The following GABRG3 variants were observed in gnomAD, a reference collection of about 807,000 sequenced individuals.
The protein encoded by GABRG3 is gamma-aminobutyric acid receptor subunit gamma-3.
A neutral mutation model predicts 48.8 loss-of-function variants in GABRG3; 25 were observed. The ratio of observed to expected loss-of-function variants is 0.51; its 90% CI spans 0.37 to 0.72. The LOEUF (loss-of-function observed/expected upper bound fraction) is 0.72. Among genes scored for constraint, GABRG3 ranks in the 30% least tolerant of loss-of-function variants. The pLI, the probability that GABRG3 is intolerant of heterozygous loss-of-function variation, is 0.00. For synonymous variants in GABRG3, 227 were observed against 217.6 expected (o/e 1.04, Z -0.38); for missense variants, 394 against 577.9 (o/e 0.68, Z 3.26).
intron 3 of GABRG3, among the ~76,000 whole-genome samples, chr15:27,307,510 CATAGGTT>C (rs1892655277): frequency 4.3e-5 from 1 of 23,338 alleles, no homozygotes; most frequent in Admixed American, 4.0e-4. Context: ...TATATATAAA[CATAGGTT>C]TATAGGTTTA....
intron 6 of GABRG3, among the ~76,000 whole-genome samples, chr15:27,484,768 GC>G (rs1566862153): frequency 1.3e-5 from 2 of 152,068 alleles, no homozygotes; most frequent in African/African-American, 4.8e-5. Flanking sequence ...AAATCATGGG[GC>G]TATATCAACA....
At chr15:27,393,557 G>A (rs949757427) in intron 5 of GABRG3, among the ~76,000 whole-genome samples, 5 of 151,928 alleles carry the variant, frequency 3.3e-5, no homozygotes, top group African/African-American at 1.2e-4. Flanking sequence ...TATTTAATCA[G>A]TTACATCATG....
chr15:27,084,350 A>G (rs1471777846), intron 3 of GABRG3, among the ~76,000 whole-genome samples: 2 of 152,196 alleles, frequency 1.3e-5, no homozygotes, highest in Non-Finnish European at 2.9e-5. Context: ...TAGAAAGACA[A>G]AATTCTTAGT....
rs150917739 is a variant in GABRG3 at position 27,224,703 on chromosome 15, G to A, written c.271-102106G>A. Among the ~76,000 whole-genome samples, 1,253 of 152,284 alleles carry A rather than the reference G, an allele frequency of 8.2e-3. 21 individuals are homozygous for A. The highest frequency in any genetic ancestry group is 0.028 in the African/African-American group (1,176 of 41,550). ...ATTTGATCTCTCAGGTATTTAAGAT[G>A]GAAAGGTTAAGAAGTAACAGATTTG... On this transcript the variant is annotated intron_variant, in intron 3 of 9. Transcript: ENST00000615808.
intron 5 of GABRG3, chr15:27,428,286 A>AT (rs1309269588): frequency 6.6e-6 from 1 of 152,212 alleles, no homozygotes; most frequent in African/African-American, 2.4e-5. Context: ...AGGGAATGTG[A>AT]TTATAACATG....
chr15:27,234,605 C>T (rs1889899197), intron 3 of GABRG3, among the ~76,000 whole-genome samples: 1 of 152,132 alleles, frequency 6.6e-6, no homozygotes, highest in Admixed American at 6.5e-5. Context: ...CCGCGGTGCT[C>T]TGAGCCACCT....
chr15:27,154,758 C>T (rs866439692), intron 3 of GABRG3, among the ~76,000 whole-genome samples: 3 of 152,030 alleles, frequency 2.0e-5, no homozygotes, highest in African/African-American at 7.3e-5. Context: ...AAGGTTTATG[C>T]ACATATATTC....
chr15:27,159,511 C>T (rs148356418), intron 3 of GABRG3, among the ~76,000 whole-genome samples: 102 of 152,120 alleles, frequency 6.7e-4, no homozygotes, highest in African/African-American at 2.4e-3. Flanking sequence ...TCCCTCCATC[C>T]TGCCTGAACC....
intron 3 of GABRG3, among the ~76,000 whole-genome samples, chr15:27,317,795 A>T (rs1893282330): frequency 6.6e-6 from 1 of 152,154 alleles, no homozygotes; most frequent in Admixed American, 6.5e-5. Flanking sequence ...TTTTTTCAAG[A>T]CATCCCAAAT....
chr15:27,230,158 G>A (rs919472875), intron 3 of GABRG3, among the ~76,000 whole-genome samples: 25 of 151,966 alleles, frequency 1.6e-4, no homozygotes, highest in African/African-American at 6.0e-4. Flanking sequence ...TGTGTGTGTG[G>A]CAATTGTAAA....
chr15:27,308,454 AACAT>A (rs147625170), intron 3 of GABRG3, among the ~76,000 whole-genome samples: 10,638 of 145,824 alleles, frequency 0.073, 1,361 homozygotes, highest in African/African-American at 0.25. Context: ...AACATATGCA[AACAT>A]ACATGTTTAT....
At chr15:27,226,935 T>A (rs1889639121) in intron 3 of GABRG3, among the ~76,000 whole-genome samples, 1 of 152,104 alleles carries the variant, frequency 6.6e-6, no homozygotes, top group Admixed American at 6.5e-5. Flanking sequence ...GGCCTCTGCC[T>A]CCTAAAGCAG....
intron 3 of GABRG3, among the ~76,000 whole-genome samples, chr15:27,160,455 G>T (rs1400378952): frequency 2.6e-5 from 4 of 152,122 alleles, no homozygotes; most frequent in Non-Finnish European, 5.9e-5. Context: ...TGATTATTGA[G>T]ATTGTTTGGT....
At chr15:27,045,048 A>G (rs949000348) in intron 3 of GABRG3, among the ~76,000 whole-genome samples, 3 of 152,236 alleles carry the variant, frequency 2.0e-5, no homozygotes, top group African/African-American at 7.2e-5. Context: ...TACCCATAAA[A>G]TAAAGCCTAG....
At chr15:27,395,417 G>C (rs1322918669) in intron 5 of GABRG3, among the ~76,000 whole-genome samples, 1 of 152,180 alleles carries the variant, frequency 6.6e-6, no homozygotes, top group Non-Finnish European at 1.5e-5. Context: ...AAGGCAGAGA[G>C]ACTATAATAT....
intron 3 of GABRG3, among the ~76,000 whole-genome samples, chr15:27,072,732 C>A (rs960471458): frequency 2.6e-5 from 4 of 152,154 alleles, no homozygotes; most frequent in African/African-American, 9.7e-5. Context: ...ATACCACCCA[C>A]CATGAGGAGG....
At chr15:27,238,059 C>T (rs1296892802) in intron 3 of GABRG3, among the ~76,000 whole-genome samples, 2 of 152,170 alleles carry the variant, frequency 1.3e-5, no homozygotes, top group Admixed American at 6.5e-5. Context: ...GAAGCTGAAG[C>T]GTTTAGTCGT....
chr15:27,243,080 T>C (rs993952876), intron 3 of GABRG3, among the ~76,000 whole-genome samples: 1 of 152,208 alleles, frequency 6.6e-6, no homozygotes, highest in African/African-American at 2.4e-5. Context: ...TTTTGATCTC[T>C]GATAGGAGTT....
At chr15:27,321,506 A>G (rs556200105) in intron 3 of GABRG3, among the ~76,000 whole-genome samples, 1 of 152,352 alleles carries the variant, frequency 6.6e-6, no homozygotes, top group East Asian at 1.9e-4. Context: ...CCTGAGAAGG[A>G]AAAAATAAAA....
Sources: allele counts gnomAD v4.1 joint callset (sites outside exome capture counted in the v4.1 genomes callset), GRCh38; gene constraint gnomAD v4.1.1; transcripts MANE v1.5; gene names NCBI Gene and HGNC (gene_info 2026-07-23, HGNC 2026-07-21).